IFNG-AS1: variants seen among roughly 807,000 people sequenced by gnomAD.
IFNG-AS1 encodes IFNG regulatory antisense RNA 1, also known as IFNG antisense RNA 1 (non-protein coding).
chr12:67,989,833 T>C (rs1879462975), intron 1 of IFNG-AS1, among the ~76,000 whole-genome samples: 2 of 152,160 alleles, frequency 1.3e-5, no homozygotes, highest in Admixed American at 6.5e-5. Flanking sequence ...CTTCTTCTAT[T>C]TCAGGAAGCT....
intron 4 of IFNG-AS1, chr12:68,020,883 G>C (rs553465042): frequency 6.6e-6 from 1 of 152,318 alleles, no homozygotes; most frequent in African/African-American, 2.4e-5. Flanking sequence ...TAGGGTGGGA[G>C]TGTTTCAAAG....
At chr12:67,996,214 G>A (rs986775150) in intron 2 of IFNG-AS1, 2 of 152,184 alleles carry the variant, frequency 1.3e-5, no homozygotes, top group Admixed American at 1.3e-4. Flanking sequence ...TACAAGACAG[G>A]GCAGTAAGTA....
chr12:68,011,127 G>T (rs1393801692), intron 3 of IFNG-AS1, among the ~76,000 whole-genome samples: 1 of 152,104 alleles, frequency 6.6e-6, no homozygotes, highest in Non-Finnish European at 1.5e-5. Flanking sequence ...GATAATATTT[G>T]CTTCCTAAGG....
intron 1 of IFNG-AS1, among the ~76,000 whole-genome samples, chr12:67,993,580 T>C (rs1277754033): frequency 6.6e-6 from 1 of 152,208 alleles, no homozygotes; most frequent in Non-Finnish European, 1.5e-5. Flanking sequence ...ACAATGAATA[T>C]CTTCCAGTGA....
chr12:68,003,102 A>C (rs1879811240), intron 2 of IFNG-AS1, among the ~76,000 whole-genome samples: 1 of 152,130 alleles, frequency 6.6e-6, no homozygotes, highest in Admixed American at 6.6e-5. Flanking sequence ...GCATTACATA[A>C]ATGTTCTGTT....
chr12:67,993,411 T>C (rs1830132877), intron 1 of IFNG-AS1, among the ~76,000 whole-genome samples: 1 of 152,166 alleles, frequency 6.6e-6, no homozygotes, highest in South Asian at 2.1e-4. Context: ...TAAAAGGTCA[T>C]TGAGGAATCT....
chr12:67,997,904 A>G (rs1879681106), intron 2 of IFNG-AS1, among the ~76,000 whole-genome samples: 2 of 152,102 alleles, frequency 1.3e-5, no homozygotes, highest in South Asian at 4.1e-4. Context: ...AAAATGTTTA[A>G]TATCATTCAT....
At chr12:68,004,557 T>G (rs1879864694) in intron 2 of IFNG-AS1, among the ~76,000 whole-genome samples, 1 of 152,228 alleles carries the variant, frequency 6.6e-6, no homozygotes, top group Non-Finnish European at 1.5e-5. Flanking sequence ...TCAGTCCACA[T>G]GGGTCTTTGG....
chr12:68,008,850 C>A lies in IFNG-AS1; in HGVS notation n.241+2704C>A, dbSNP rs548794163. Among the ~76,000 whole-genome samples the A allele has an allele frequency of 9.9e-5, 15 of 152,268 alleles. No homozygotes were observed. The South Asian group carries it at 2.9e-3, about 29-fold the overall frequency. The stretch of plus-strand genomic sequence containing the variant: ...TCAGTCACAGGGTGACAGCTACCTA[C>A]AAGGGAGGAAGGGAAATACCATCCA... On this transcript the variant is annotated intron_variant and non_coding_transcript_variant, in intron 3 of 5. Coordinates refer to ENST00000536914, the Ensembl canonical transcript of IFNG-AS1.
At chr12:68,008,027 A>G (rs1488163009) in intron 3 of IFNG-AS1, among the ~76,000 whole-genome samples, 1 of 152,256 alleles carries the variant, frequency 6.6e-6, no homozygotes, top group Non-Finnish European at 1.5e-5. Flanking sequence ...ATATCCAACT[A>G]GAATTTAGCT....
chr12:68,001,089 A>G (rs1260384664), intron 2 of IFNG-AS1, among the ~76,000 whole-genome samples: 1 of 152,174 alleles, frequency 6.6e-6, no homozygotes, highest in Admixed American at 6.5e-5. Context: ...ACACACATAC[A>G]CACACATATA....
intron 1 of IFNG-AS1, among the ~76,000 whole-genome samples, chr12:67,991,935 C>A (rs1276924054): frequency 6.6e-6 from 1 of 152,142 alleles, no homozygotes; most frequent in Non-Finnish European, 1.5e-5. Context: ...AGCTTTGTTA[C>A]ATGTTATTGC....
rs117663040 is a variant in IFNG-AS1 at position 67,999,168 on chromosome 12, G to A, written n.184+3095G>A. The stretch of plus-strand genomic sequence containing the variant: ...AAATAGGAATCAAATGTATGAACTC[G>A]TGGTGATAGATAAATGATAGATAGA... On this transcript the variant is annotated intron_variant and non_coding_transcript_variant, in intron 2 of 5. Coordinates refer to ENST00000536914, the Ensembl canonical transcript of IFNG-AS1. Among the ~76,000 whole-genome samples, 66 of 152,258 alleles carry A rather than the reference G, an allele frequency of 4.3e-4. No individual in the cohort carries two copies. The East Asian group carries it at 7.9e-3, about 18-fold the overall frequency.
At chr12:67,995,446 C>T (rs954595904) in intron 1 of IFNG-AS1, among the ~76,000 whole-genome samples, 16 of 126,902 alleles carry the variant, frequency 1.3e-4, no homozygotes, top group African/African-American at 3.5e-4. Flanking sequence ...AAAAGGGCCG[C>T]GCACTGTGGC....
chr12:67,997,675 A>G (rs1014718239), intron 2 of IFNG-AS1, among the ~76,000 whole-genome samples: 2 of 151,826 alleles, frequency 1.3e-5, no homozygotes, highest in Non-Finnish European at 1.5e-5. Context: ...AAAAATTTTA[A>G]TGCATGGCAA....
chr12:68,019,910 G>C (rs1352717067), intron 4 of IFNG-AS1: 1 of 152,178 alleles, frequency 6.6e-6, no homozygotes, highest in Non-Finnish European at 1.5e-5. Context: ...TAAGTCAAAA[G>C]CTATGAGAGC....
intron 2 of IFNG-AS1, among the ~76,000 whole-genome samples, chr12:67,999,840 C>G: frequency 6.6e-6 from 1 of 152,100 alleles, no homozygotes; most frequent in East Asian, 1.9e-4. Flanking sequence ...AAAAACAGTT[C>G]CTTTACAGTG....
At chr12:68,008,726 A>G (rs1879962016) in intron 3 of IFNG-AS1, among the ~76,000 whole-genome samples, 1 of 152,168 alleles carries the variant, frequency 6.6e-6, no homozygotes, top group African/African-American at 2.4e-5. Flanking sequence ...CACCAAGTAG[A>G]AGGGGAAACA....
At chr12:68,018,722 A>G (rs947899459) in intron 3 of IFNG-AS1, among the ~76,000 whole-genome samples, 1 of 152,094 alleles carries the variant, frequency 6.6e-6, no homozygotes, top group Non-Finnish European at 1.5e-5. Context: ...ATTAACAGGC[A>G]TGCTCAGGCT....
Sources: gnomAD v4.1 joint callset for allele counts (sites outside exome capture counted in the v4.1 genomes callset) on GRCh38, gnomAD v4.1.1 for gene constraint, MANE v1.5 for transcripts, NCBI Gene and HGNC (gene_info 2026-07-23, HGNC 2026-07-21) for gene names.